Variants in SLC35F4 observed in about 807,000 individuals in gnomAD.
SLC35F4 encodes the protein chromosome 14 open reading frame 36.
A neutral mutation model predicts 44.2 loss-of-function variants in SLC35F4; 24 were observed. That is an observed-to-expected ratio of 0.54 (90% CI 0.39 to 0.76). The LOEUF (loss-of-function observed/expected upper bound fraction) is 0.76, where lower values mean the gene tolerates loss of function less well. Ranked by LOEUF, SLC35F4 falls within the 30% of genes least tolerant of loss-of-function variation. The pLI is 0.00. For missense variants in SLC35F4, 562 were observed against 586.1 expected (o/e 0.96, Z 0.42); for synonymous variants, 238 against 223.6 (o/e 1.06, Z -0.57).
intron 1 of SLC35F4, among the ~76,000 whole-genome samples, chr14:57,857,175 G>T (rs967811687): frequency 6.6e-6 from 1 of 151,860 alleles, no homozygotes; most frequent in African/African-American, 2.4e-5. Context: ...TACTCGGGAG[G>T]TGGAGACAGG....
intron 1 of SLC35F4, among the ~76,000 whole-genome samples, chr14:57,641,868 G>A (rs1192104478): frequency 6.6e-6 from 1 of 151,946 alleles, no homozygotes; most frequent in African/African-American, 2.4e-5. Context: ...AGTCTTAAGA[G>A]AGGTGGGTAT....
chr14:57,900,477 A>T (rs1888976855), intron 1 of SLC35F4, among the ~76,000 whole-genome samples: 1 of 152,192 alleles, frequency 6.6e-6, no homozygotes, highest in Non-Finnish European at 1.5e-5. Flanking sequence ...GTGGTTCCCC[A>T]AGGAAAGTGC....
At chr14:57,665,774 T>A (rs2074286609) in intron 1 of SLC35F4, among the ~76,000 whole-genome samples, 1 of 152,214 alleles carries the variant, frequency 6.6e-6, no homozygotes, top group East Asian at 1.9e-4. Flanking sequence ...GTGGGACATA[T>A]ACATCATGGA....
chr14:57,793,246 T>C (rs1312573445), intron 1 of SLC35F4, among the ~76,000 whole-genome samples: 1 of 151,974 alleles, frequency 6.6e-6, no homozygotes, highest in Non-Finnish European at 1.5e-5. Flanking sequence ...TTTTAAAAAC[T>C]TTTATTTTTT....
In SLC35F4 at chr14:57,566,575, G is replaced by C. The variant is rs941731251; in HGVS notation, c.1127-11C>G. ...CCAGGATGTTGAAGGCTGTAAAATA[G>C]AGGAGGAAATGCAAGATGAAAGAGA... On this transcript the variant is annotated splice_polypyrimidine_tract_variant and intron_variant, in intron 6 of 7. Transcript: ENST00000556826. The C allele has an allele frequency of 3.2e-6, 5 of 1,586,956 alleles. No individual in the cohort carries two copies. In the African/African-American group the frequency reaches 6.7e-5, roughly 21 times the overall value.
intron 1 of SLC35F4, among the ~76,000 whole-genome samples, chr14:57,838,833 AT>A (rs1218121937): frequency 6.6e-6 from 1 of 152,212 alleles, no homozygotes. Flanking sequence ...AGGCAGGAAA[AT>A]ACAGGATTAT....
chr14:57,976,348 C>G (rs534300433), downstream of SLC35F4, among the ~76,000 whole-genome samples: 2 of 152,302 alleles, frequency 1.3e-5, no homozygotes, highest in African/African-American at 2.4e-5. Context: ...AAATGAAATT[C>G]TGTTTATAAG....
At chr14:57,813,064 T>C (rs1255172519) in intron 1 of SLC35F4, among the ~76,000 whole-genome samples, 2 of 152,196 alleles carry the variant, frequency 1.3e-5, no homozygotes, top group Non-Finnish European at 2.9e-5. Flanking sequence ...TTTTCTCAGA[T>C]GAGGAAACAG....
intron 1 of SLC35F4, among the ~76,000 whole-genome samples, chr14:57,748,306 T>C (rs942523944): frequency 1.3e-5 from 2 of 152,182 alleles, no homozygotes; most frequent in Admixed American, 1.3e-4. Context: ...TGTATGTATG[T>C]GTGTATTTAG....
intron 1 of SLC35F4, among the ~76,000 whole-genome samples, chr14:57,684,895 T>G (rs1033697809): frequency 2.6e-5 from 4 of 152,188 alleles, no homozygotes; most frequent in African/African-American, 9.6e-5. Context: ...GTAGATTGTG[T>G]AGCTCCTTAG....
intron 1 of SLC35F4, among the ~76,000 whole-genome samples, chr14:57,698,046 A>G (rs1594822211): frequency 1.3e-5 from 2 of 152,338 alleles, no homozygotes; most frequent in East Asian, 3.9e-4. Flanking sequence ...AGTTCTTCAC[A>G]TGTAAAATGG....
At chr14:57,599,938 C>T (rs1200673584) in intron 1 of SLC35F4, among the ~76,000 whole-genome samples, 1 of 152,056 alleles carries the variant, frequency 6.6e-6, no homozygotes, top group African/African-American at 2.4e-5. Context: ...TGATATCCCA[C>T]AGGAACTCCC....
At chr14:57,596,733 A>G in intron 1 of SLC35F4, 1 of 1,302,286 alleles carries the variant, frequency 7.7e-7, no homozygotes, top group African/African-American at 1.5e-5. Context: ...TTGAATGTAT[A>G]AGCCACACCA....
At chr14:57,844,674 T>C (rs1595194998) in intron 1 of SLC35F4, among the ~76,000 whole-genome samples, 1 of 152,152 alleles carries the variant, frequency 6.6e-6, no homozygotes, top group African/African-American at 2.4e-5. Context: ...AAATAGAGAA[T>C]TCTTCTCAAC....
At chr14:57,684,266 A>T (rs2075001137) in intron 1 of SLC35F4, among the ~76,000 whole-genome samples, 1 of 152,046 alleles carries the variant, frequency 6.6e-6, no homozygotes, top group African/African-American at 2.4e-5. Flanking sequence ...TCTAGACCAC[A>T]AATGAGCACC....
At chr14:57,870,327 T>G (rs1244715862), upstream of SLC35F4, among the ~76,000 whole-genome samples, 3 of 152,130 alleles carry the variant, frequency 2.0e-5, no homozygotes, top group African/African-American at 7.2e-5. Context: ...CACAGTGGTT[T>G]AAAGCACGGA....
intron 1 of SLC35F4, among the ~76,000 whole-genome samples, chr14:57,969,195 T>C (rs905832854): frequency 2.6e-5 from 4 of 152,148 alleles, no homozygotes; most frequent in African/African-American, 7.2e-5. Context: ...AAACATATCA[T>C]TCATATTATG....
intron 1 of SLC35F4, among the ~76,000 whole-genome samples, chr14:57,672,872 A>G (rs1177899328): frequency 6.6e-6 from 1 of 151,952 alleles, no homozygotes; most frequent in African/African-American, 2.4e-5. Context: ...TGTGAAACAG[A>G]GTAGGTTTTT....
chr14:57,945,439 A>ATGTGTG (rs58976756), intron 1 of SLC35F4, among the ~76,000 whole-genome samples: 6,973 of 104,658 alleles, frequency 0.067, 416 homozygotes, highest in Non-Finnish European at 0.071. Context: ...AGCAATGATA[A>ATGTGTG]TGTGTGTGTG....
Sources: gnomAD v4.1 joint callset for allele counts (sites outside exome capture counted in the v4.1 genomes callset) on GRCh38, gnomAD v4.1.1 for gene constraint, MANE v1.5 for transcripts, NCBI Gene and HGNC (gene_info 2026-07-23, HGNC 2026-07-21) for gene names.